The following EPB41L1 variants were observed in gnomAD, a reference collection of about 807,000 sequenced individuals.
EPB41L1 encodes band 4.1-like protein 1.
A neutral mutation model predicts 97.8 loss-of-function variants in EPB41L1; 29 were observed. The observed-to-expected ratio is 0.30, with a 90% CI of 0.22 to 0.40. The LOEUF is 0.40. EPB41L1 is among the 10% of genes least tolerant of loss of function. The probability of loss-of-function intolerance (pLI) is 1.00; values close to 1 mark genes in which losing one functional copy is unlikely to be tolerated. For synonymous variants in EPB41L1, 383 were observed against 459.2 expected, an observed-to-expected ratio of 0.83 and a Z score of 2.12; for missense variants, 812 against 1,162.3, an observed-to-expected ratio of 0.70 and a Z score of 4.38.
chr20:36,136,379 C>T (rs1018403413), intron 2 of EPB41L1, among the ~76,000 whole-genome samples: 2 of 147,702 alleles, frequency 1.4e-5, no homozygotes, highest in East Asian at 2.0e-4. Flanking sequence ...AGGGTTTCAC[C>T]GTGTTGCCCA....
At chr20:36,152,964 G>A (rs556046621), upstream of EPB41L1, 4 of 456,232 alleles carry the variant, frequency 8.8e-6, no homozygotes, top group Non-Finnish European at 1.8e-5. Flanking sequence ...CCTTCTGTCT[G>A]GAGGGTGGGC....
At chr20:36,131,668 C>CT (rs2059214733) in intron 2 of EPB41L1, among the ~76,000 whole-genome samples, 1 of 152,142 alleles carries the variant, frequency 6.6e-6, no homozygotes, top group Non-Finnish European at 1.5e-5. Flanking sequence ...ATGGAAGACA[C>CT]TTGAAATACT....
chr20:36,207,561 G>A lies in EPB41L1; in HGVS notation c.1669-1927G>A. The A allele has an allele frequency of 3.9e-6, 5 of 1,289,914 alleles. No individual in the cohort carries two copies. The highest frequency in any genetic ancestry group is 5.1e-6 in the Non-Finnish European group (5 of 988,892). The allele number at this position is 1,289,914 out of a possible 1,614,324, so 79.9% of individuals were successfully genotyped here. On this transcript the variant is annotated intron_variant, in intron 14 of 21. Coordinates refer to ENST00000338074, the MANE Select transcript of EPB41L1 (RefSeq NM_012156.2). This position sits in a 1 kb window ranked among gnomAD's most constrained non-coding sequence, Gnocchi z 4.9. ...CAGAGGCACCCGTGGGACAAGCAGA[G>A]CAGCAGCGGAGTACGCTCTCAGACC...
chr20:36,120,109 G>T, intron 2 of EPB41L1, among the ~76,000 whole-genome samples: 1 of 152,268 alleles, frequency 6.6e-6, no homozygotes. Context: ...AGCACTAAGC[G>T]CTAATAACCA....
intron 1 of EPB41L1, among the ~76,000 whole-genome samples, chr20:36,168,804 A>G (rs1247900991): frequency 4.6e-5 from 7 of 151,900 alleles, no homozygotes; most frequent in Admixed American, 4.6e-4. Context: ...TGCCCACCTC[A>G]GCCTCCTAAA....
At chr20:36,174,429 C>T (rs919620764) in intron 2 of EPB41L1, among the ~76,000 whole-genome samples, 16 of 152,046 alleles carry the variant, frequency 1.1e-4, no homozygotes, top group South Asian at 2.1e-4. Context: ...TGCACCACCA[C>T]GCCTAGCTAA....
chr20:36,174,233 G>A (rs552554961), intron 2 of EPB41L1, among the ~76,000 whole-genome samples: 89 of 151,420 alleles, frequency 5.9e-4, no homozygotes, highest in Non-Finnish European at 1.1e-3. Flanking sequence ...GACAACAGGC[G>A]TGCACCACCG....
In EPB41L1 at chr20:36,209,794, C is replaced by T. The variant is rs140442671; in HGVS notation, c.1975C>T (p.Arg659Trp). 2.7e-5 allele frequency: 43 copies of T among 1,613,904 alleles called. No individual in the cohort carries two copies. In the Middle Eastern group the frequency reaches 5.0e-4, roughly 19 times the overall value. The change falls in exon 15 of 22, where the codon CGG (arginine) becomes TGG (tryptophan). Residue 659 changes from arginine (R) to tryptophan (W), a missense_variant. By Grantham distance (101) the Arg-to-Trp change is moderately radical (BLOSUM62 -3). Transcript: ENST00000338074. The surrounding 1 kb of genome is among the most constrained non-coding windows in gnomAD (Gnocchi z 4.2). Reference sequence around the variant, plus strand: ...GGACACTGAGGGCCTGCTGTTCTCCCGGGATCTCAACAAGGGGGCCCCCAG... The same window carrying T: ...GGACACTGAGGGCCTGCTGTTCTCCTGGGATCTCAACAAGGGGGCCCCCAG... ...DSDTEGLLFS[R>W]DLNKGAPSQD...
intron 3 of EPB41L1, among the ~76,000 whole-genome samples, chr20:36,176,941 T>C (rs191593538): frequency 6.6e-6 from 1 of 152,296 alleles, no homozygotes; most frequent in East Asian, 1.9e-4. Flanking sequence ...TGTGTATGTA[T>C]TTTGTCTATA....
chr20:36,203,394 G>T (rs551766395), intron 14 of EPB41L1, among the ~76,000 whole-genome samples: 131 of 152,346 alleles, frequency 8.6e-4, no homozygotes, highest in Non-Finnish European at 1.5e-3. Flanking sequence ...GGCTGGCATT[G>T]CCTGGCACAT....
chr20:36,167,086 C>A (rs531467661), intron 1 of EPB41L1, among the ~76,000 whole-genome samples: 1 of 152,058 alleles, frequency 6.6e-6, no homozygotes, highest in African/African-American at 2.4e-5. Context: ...ACCAAAAAAA[C>A]AGGGGAAAGG....
intron 14 of EPB41L1, among the ~76,000 whole-genome samples, chr20:36,202,745 G>A (rs114532541): frequency 0.013 from 1,934 of 151,266 alleles, 44 homozygotes; most frequent in African/African-American, 0.045. Flanking sequence ...CTCGGGAGGC[G>A]GCTGTCAGTG....
chr20:36,158,092 A>G (rs1395503844), intron 1 of EPB41L1, among the ~76,000 whole-genome samples: 1 of 152,124 alleles, frequency 6.6e-6, no homozygotes, highest in Non-Finnish European at 1.5e-5. Context: ...TTACAGATTG[A>G]TGGAGCTGTG....
chr20:36,213,459 T>G (rs1054944241), intron 16 of EPB41L1, among the ~76,000 whole-genome samples: 1 of 152,100 alleles, frequency 6.6e-6, no homozygotes, highest in Non-Finnish European at 1.5e-5. Flanking sequence ...ATTCTTTTGT[T>G]TCCAGATTTC....
intron 2 of EPB41L1, among the ~76,000 whole-genome samples, chr20:36,141,240 C>T (rs2059626449): frequency 6.6e-6 from 1 of 152,160 alleles, no homozygotes; most frequent in South Asian, 2.1e-4. Context: ...CCTCAGTTTT[C>T]TCACCAATGG....
rs1395147066 is a variant in EPB41L1, at chr20:36,107,269, G to A, written c.-64-5157G>A. Among the ~76,000 whole-genome samples the A allele has an allele frequency of 2.8e-5, 4 of 142,198 alleles. No individual in the cohort carries two copies. In the East Asian group the frequency reaches 8.4e-4, roughly 30 times the overall value. The allele number at this position is 142,198 out of a possible 152,430, so 93.3% of individuals were successfully genotyped here. On this transcript the variant is annotated intron_variant, in intron 1 of 19. Coordinates refer to the EPB41L1 transcript ENST00000202028. Reference sequence around the variant, plus strand: ...TCGCTTTCGCTCTGTTGCCCAGGCTGGAGTGCAATGGCATGATCTCAGCTC... The same window carrying A: ...TCGCTTTCGCTCTGTTGCCCAGGCTAGAGTGCAATGGCATGATCTCAGCTC...
At position 36,154,848 on chromosome 20, in the gene EPB41L1, G is replaced by T. The variant is rs1167929256; in HGVS notation, c.-63G>T. 2 of 1,000,766 alleles carry T rather than the reference G, an allele frequency of 2.0e-6. No individual in the cohort carries two copies. Among genetic ancestry groups the T allele is most frequent in the African/African-American group, 3.5e-5 (2 of 57,282 alleles). The allele number at this position is 1,000,766 out of a possible 1,614,324, so 62.0% of individuals were successfully genotyped here. ...CGGCCTGCCTGCCAGAGGAGCCGAG[G>T]GGGCCGCCCCTCGCCCAACCTGCCC... On this transcript the variant is annotated 5_prime_UTR_variant, in exon 1 of 22. Coordinates refer to ENST00000338074, the MANE Select transcript of EPB41L1 (RefSeq NM_012156.2). This position sits in a 1 kb window ranked among gnomAD's most constrained non-coding sequence, Gnocchi z 5.5.
chr20:36,197,803 G>A (rs2062283121), intron 13 of EPB41L1, 56 bp from the exon 14 acceptor site: 1 of 1,613,332 alleles, frequency 6.2e-7, no homozygotes, highest in Non-Finnish European at 8.5e-7. Context: ...CCTGCACCCT[G>A]CATCCCCGCT....
At chr20:36,171,910 G>T (rs187878480) in intron 1 of EPB41L1, among the ~76,000 whole-genome samples, 8 of 152,212 alleles carry the variant, frequency 5.3e-5, no homozygotes, top group African/African-American at 1.7e-4. Flanking sequence ...GGACTCAGGG[G>T]TGAGGGTTCC....
Sources: gnomAD v4.1 joint callset for allele counts (sites outside exome capture counted in the v4.1 genomes callset) on GRCh38, gnomAD v4.1.1 for gene constraint, Gnocchi (gnomAD v3.1) non-coding constraint, MANE v1.5 for transcripts, NCBI Gene and HGNC (gene_info 2026-07-23, HGNC 2026-07-21) for gene names.